The following ZFPM2 variants were observed in gnomAD, a reference collection of about 807,000 sequenced individuals.
The protein encoded by ZFPM2 is zinc finger protein ZFPM2.
In ZFPM2, 20 loss-of-function variants were observed where a neutral mutation model predicts 98.6. That is an observed-to-expected ratio of 0.20 (90% CI 0.14 to 0.29). ZFPM2 has a LOEUF of 0.29. ZFPM2 is among the 10% of genes least tolerant of loss of function. ZFPM2 has a pLI of 1.00. For missense variants in ZFPM2, 1,310 were observed against 1,388.6 expected, an observed-to-expected ratio of 0.94 and a Z score of 0.90; for synonymous variants, 518 against 502.7, an observed-to-expected ratio of 1.03 and a Z score of -0.41.
intron 4 of ZFPM2, among the ~76,000 whole-genome samples, chr8:105,601,503 C>T (rs1816091162): frequency 6.6e-6 from 1 of 152,102 alleles, no homozygotes; most frequent in African/African-American, 2.4e-5. Context: ...CTGCTCTTTT[C>T]TGTGCTCTTA....
chr8:105,684,974 C>A (rs1456340756), intron 5 of ZFPM2: 13 of 152,062 alleles, frequency 8.5e-5, no homozygotes, highest in Non-Finnish European at 1.6e-4. Flanking sequence ...TTATCATTCA[C>A]ACTGTTGATT....
chr8:105,552,714 C>T (rs1814890213), intron 3 of ZFPM2, among the ~76,000 whole-genome samples: 1 of 151,958 alleles, frequency 6.6e-6, no homozygotes, highest in Non-Finnish European at 1.5e-5. Flanking sequence ...TTTCTTTCTC[C>T]CAACCTTGAA....
intron 3 of ZFPM2, among the ~76,000 whole-genome samples, chr8:105,551,498 A>G (rs1393611074): frequency 6.6e-6 from 1 of 152,166 alleles, no homozygotes; most frequent in East Asian, 1.9e-4. Context: ...AAAAATCTGT[A>G]ATGGAATTCT....
intron 1 of ZFPM2, among the ~76,000 whole-genome samples, chr8:105,386,146 T>C (rs1462273793): frequency 6.6e-6 from 1 of 152,120 alleles, no homozygotes; most frequent in Non-Finnish European, 1.5e-5. Context: ...TTAGAAAAAG[T>C]CTTTTGAACT....
intron 5 of ZFPM2, among the ~76,000 whole-genome samples, chr8:105,727,644 G>T (rs1465558738): frequency 6.6e-6 from 1 of 151,622 alleles, no homozygotes; most frequent in Non-Finnish European, 1.5e-5. Flanking sequence ...CTTTGTTCAG[G>T]TTACAAACTA....
chr8:105,532,197 C>G (rs1336427500), intron 3 of ZFPM2, among the ~76,000 whole-genome samples: 1 of 152,082 alleles, frequency 6.6e-6, no homozygotes, highest in African/African-American at 2.4e-5. Flanking sequence ...CTACCAAGCC[C>G]GGCCCCTGTT....
intron 6 of ZFPM2, among the ~76,000 whole-genome samples, chr8:105,792,652 G>C (rs983683961): frequency 5.3e-5 from 8 of 152,282 alleles, no homozygotes; most frequent in Non-Finnish European, 1.0e-4. Context: ...TTGACTTTCT[G>C]TCTCGTTGAT....
chr8:105,421,982 A>C, intron 2 of ZFPM2, among the ~76,000 whole-genome samples: 1 of 139,334 alleles, frequency 7.2e-6, no homozygotes, highest in South Asian at 2.3e-4. Flanking sequence ...AGAAGGCAGA[A>C]GTTGCAGTGA....
At chr8:105,743,864 G>C (rs1812281654) in intron 5 of ZFPM2, among the ~76,000 whole-genome samples, 1 of 151,996 alleles carries the variant, frequency 6.6e-6, no homozygotes, top group African/African-American at 2.4e-5. Flanking sequence ...CATCAGCCTA[G>C]GTGTCACGTG....
chr8:105,666,984 A>G (rs1817501304), intron 5 of ZFPM2, among the ~76,000 whole-genome samples: 1 of 152,208 alleles, frequency 6.6e-6, no homozygotes, highest in South Asian at 2.1e-4. Flanking sequence ...TCATCTCCAG[A>G]AAAAACACTT....
In ZFPM2 at chr8:105,659,461, G is replaced by A. The variant is rs766916433; in HGVS notation, c.532+25104G>A. Among the ~76,000 whole-genome samples, 92 of 152,264 alleles carry A rather than the reference G, an allele frequency of 6.0e-4. 2 individuals carry two copies. The highest frequency in any genetic ancestry group is 5.0e-3 in the Admixed American group (76 of 15,290). The stretch of plus-strand genomic sequence containing the variant: ...TGCTGGTTTTCTGGCCAGCCAAAGC[G>A]TCCACTGATATTAGAGGATGAGCAA... On this transcript the variant is annotated intron_variant, in intron 5 of 7. Transcript: ENST00000407775.
At chr8:105,427,765 C>T (rs1811944025) in intron 2 of ZFPM2, among the ~76,000 whole-genome samples, 1 of 152,172 alleles carries the variant, frequency 6.6e-6, no homozygotes, top group African/African-American at 2.4e-5. Flanking sequence ...GAATATGTTG[C>T]ACCAATAAAG....
Position 105,442,205 on chromosome 8 carries a change from G to A in ZFPM2, c.200-2075G>A, listed in dbSNP as rs557949508. Among the ~76,000 whole-genome samples, 202 of 151,576 alleles carry A rather than the reference G, an allele frequency of 1.3e-3. 6 individuals carry two copies. In the South Asian group the frequency reaches 0.04, roughly 30 times the overall value. Reference sequence around the variant, plus strand: ...AAAAAAAAAAAAAAATTAGCTGGGTGTGGTGGCAGGCGCCTGTAGTCCCAG... The same window carrying A: ...AAAAAAAAAAAAAAATTAGCTGGGTATGGTGGCAGGCGCCTGTAGTCCCAG... On this transcript the variant is annotated intron_variant, in intron 2 of 7. Transcript: ENST00000407775.
intron 4 of ZFPM2, among the ~76,000 whole-genome samples, chr8:105,573,694 A>T (rs13282832): frequency 0.12 from 18,363 of 152,246 alleles, 1,181 homozygotes; most frequent in South Asian, 0.17. Context: ...CGTGATTTGT[A>T]CAAAAATTTG....
At chr8:105,508,137 T>C (rs1233651633) in intron 3 of ZFPM2, among the ~76,000 whole-genome samples, 1 of 152,138 alleles carries the variant, frequency 6.6e-6, no homozygotes, top group Admixed American at 6.5e-5. Context: ...ACGTAACATT[T>C]TGAGAGAGTG....
chr8:105,631,713 CT>C (rs1181176512), intron 4 of ZFPM2, among the ~76,000 whole-genome samples: 2 of 152,110 alleles, frequency 1.3e-5, no homozygotes, highest in African/African-American at 4.8e-5. Context: ...AAAAGACATA[CT>C]TATATTCCTA....
intron 5 of ZFPM2, among the ~76,000 whole-genome samples, chr8:105,751,576 A>C (rs903363007): frequency 1.3e-5 from 2 of 152,130 alleles, no homozygotes; most frequent in African/African-American, 4.8e-5. Context: ...TAGAAAATGT[A>C]GTGTAGGAAC....
At chr8:105,733,889 T>C (rs1812008042) in intron 5 of ZFPM2, among the ~76,000 whole-genome samples, 2 of 151,990 alleles carry the variant, frequency 1.3e-5, no homozygotes, top group East Asian at 1.9e-4. Context: ...AAAATACACA[T>C]GAGCTTTGTT....
At chr8:105,354,413 A>G (rs1227486025) in intron 1 of ZFPM2, among the ~76,000 whole-genome samples, 1 of 152,196 alleles carries the variant, frequency 6.6e-6, no homozygotes, top group Non-Finnish European at 1.5e-5. Flanking sequence ...TCCATAAAAA[A>G]TGTTCTGTTT....
Sources: allele counts gnomAD v4.1 joint callset (sites outside exome capture counted in the v4.1 genomes callset), GRCh38; gene constraint gnomAD v4.1.1; transcripts MANE v1.5; gene names NCBI Gene and HGNC (gene_info 2026-07-23, HGNC 2026-07-21).